VPS13C: variants seen among roughly 807,000 people sequenced by gnomAD.
VPS13C encodes vacuolar protein sorting 13 homolog C, also known as intermembrane lipid transfer protein VPS13C.
In VPS13C, 358 loss-of-function variants were observed where a neutral mutation model predicts 456.8. That is an observed-to-expected ratio of 0.78 (90% CI 0.72 to 0.86). The LOEUF (loss-of-function observed/expected upper bound fraction) is 0.86, where lower values mean the gene tolerates loss of function less well. Ranked by LOEUF, VPS13C falls within the 40% of genes least tolerant of loss-of-function variation. The pLI is 0.00. For missense variants in VPS13C, 4,818 were observed against 4,385.4 expected (o/e 1.10, Z -2.79); for synonymous variants, 1,578 against 1,486.7 (o/e 1.06, Z -1.41).
chr15:61,916,074 C>A (rs2043463395), intron 60 of VPS13C, 52 bp from the exon 61 acceptor site: 1 of 1,501,762 alleles, frequency 6.7e-7, no homozygotes, highest in Non-Finnish European at 8.8e-7. Context: ...TCTGAAATAA[C>A]AAAATTCTTA....
At chr15:62,002,045 G>T (rs1050079482) in intron 15 of VPS13C, among the ~76,000 whole-genome samples, 1 of 152,128 alleles carries the variant, frequency 6.6e-6, no homozygotes, top group Non-Finnish European at 1.5e-5. Flanking sequence ...GTAATGAGAT[G>T]GCTGGGTCAA....
At chr15:61,933,314 A>T (rs142577316) in intron 49 of VPS13C, among the ~76,000 whole-genome samples, 1 of 152,352 alleles carries the variant, frequency 6.6e-6, no homozygotes, top group African/African-American at 2.4e-5. Flanking sequence ...AGCATTAAAC[A>T]TTAGAAAATA....
chr15:62,020,677 A>C (rs1052529915), intron 8 of VPS13C, 139 bp from the exon 9 acceptor site: 1 of 670,592 alleles, frequency 1.5e-6, no homozygotes, highest in Non-Finnish European at 2.4e-6. Flanking sequence ...ACACAGGGGA[A>C]GGAGGTAATA....
Position 61,945,176 on chromosome 15 carries a change from C to A in VPS13C, c.5148+539G>T. Among the ~76,000 whole-genome samples the A allele has an allele frequency of 2.0e-5, 3 of 152,334 alleles. No individual in the cohort carries two copies. The South Asian group carries it at 6.2e-4, about 32-fold the overall frequency. ...GTTTCCTGAGGCCTCCGCAGCTATG[C>A]GGAATGGTGAGTGCATTAAACCTCT... On this transcript the variant is annotated intron_variant, in intron 45 of 84. Transcript: ENST00000644861.
rs1428334669 is a variant in VPS13C, at chr15:61,967,486, A to C, written c.2912-39T>G. On this transcript the variant is annotated intron_variant, in intron 28 of 84. Transcript: ENST00000644861. Reference sequence around the variant, plus strand: ...AAAGGAAAAAAAAGTGTTTCAAATAAATTGCTCTTTTGTAATTTGAAACAT... The same window carrying C: ...AAAGGAAAAAAAAGTGTTTCAAATACATTGCTCTTTTGTAATTTGAAACAT... The C allele has an allele frequency of 2.7e-6, 4 of 1,473,098 alleles. No homozygotes were observed. The African/African-American group carries it at 5.8e-5, about 21-fold the overall frequency. 91.3% of individuals were successfully genotyped at this position (1,473,098 alleles called of 1,614,324 possible).
In VPS13C at chr15:61,984,032, A is replaced by G. The variant is rs1338287258; in HGVS notation, c.1722-20T>C. On this transcript the variant is annotated intron_variant, in intron 19 of 84. Transcript: ENST00000644861. ...TCTACCCTATAATCCAATGAAGAAC[A>G]AGGAAAGATGCAGACAAGGTCTTTT... is the stretch of plus-strand genomic sequence containing the variant. The G allele has an allele frequency of 6.3e-7, 1 of 1,599,458 alleles. No individual in the cohort carries two copies. The highest frequency in any genetic ancestry group is 8.5e-7 in the Non-Finnish European group (1 of 1,172,916).
chr15:62,050,694 C>A (rs1163364234), intron 1 of VPS13C, among the ~76,000 whole-genome samples: 1 of 151,066 alleles, frequency 6.6e-6, no homozygotes, highest in East Asian at 2.0e-4. Flanking sequence ...CTCAGATACT[C>A]AGGATTCTGA....
intron 66 of VPS13C, chr15:61,906,976 T>G: frequency 3.1e-6 from 1 of 321,046 alleles, no homozygotes; most frequent in South Asian, 3.3e-5. Flanking sequence ...TAACTTAGTC[T>G]TACAATTCCT....
At position 61,942,016 on chromosome 15, in the gene VPS13C, C is replaced by A. The variant is rs1458648649; in HGVS notation, c.5200G>T (p.Val1734Phe). 5.0e-6 allele frequency: 8 copies of A among 1,613,340 alleles called. No homozygotes were observed. The highest frequency in any genetic ancestry group is 5.1e-6 in the Non-Finnish European group (6 of 1,179,600). The change falls in exon 46 of 85, where the codon GTC becomes TTC. Residue 1734 changes from valine to phenylalanine, a missense_variant. Around this residue, in one of 3 missense-constraint regions of VPS13C, gnomAD observed 4,552 missense variants for 4,130.6 expected, o/e 1.10. Transcript: ENST00000644861. Reference protein sequence around the residue: ...TAKEALSTATVQAAERAASSM... With the variant: ...TAKEALSTATFQAAERAASSM... ...GAAGCAGCTCTTTCTGCAGCCTGGA[C>A]TGTGGCTGTACTCAAAGCTTCTTTA...
chr15:61,958,475 CTTGT>C (rs2045083174), intron 37 of VPS13C, 129 bp downstream of exon 37: 1 of 571,462 alleles, frequency 1.7e-6, no homozygotes, highest in South Asian at 2.3e-5. Context: ...TCAATAGCAT[CTTGT>C]TTGTTTACTC....
At chr15:61,890,100 A>C in intron 67 of VPS13C, 65 bp downstream of exon 67, 1 of 1,471,632 alleles carries the variant, frequency 6.8e-7, no homozygotes, top group South Asian at 1.2e-5. Context: ...ACTTTCTTCA[A>C]ATCGGCTATT....
intron 66 of VPS13C, among the ~76,000 whole-genome samples, chr15:61,906,243 G>T (rs146584692): frequency 6.6e-6 from 1 of 152,120 alleles, no homozygotes; most frequent in Non-Finnish European, 1.5e-5. Context: ...GGACATAAAC[G>T]ATTTCCTTGC....
chr15:62,021,913 T>A (rs1261946244), intron 8 of VPS13C, among the ~76,000 whole-genome samples: 2 of 151,956 alleles, frequency 1.3e-5, no homozygotes, highest in African/African-American at 2.4e-5. Context: ...CCAGTGAGCA[T>A]CTTTATGATA....
At chr15:61,978,861 T>A (rs1468060734) in intron 22 of VPS13C, 112 bp from the exon 23 acceptor site, 1 of 934,812 alleles carries the variant, frequency 1.1e-6, no homozygotes, top group Non-Finnish European at 1.5e-6. Context: ...CCTAACAAAT[T>A]GAAAATACTG....
At chr15:61,860,410 G>C (rs979348516) in intron 82 of VPS13C, among the ~76,000 whole-genome samples, 67 of 152,146 alleles carry the variant, frequency 4.4e-4, no homozygotes, top group African/African-American at 1.6e-3. Flanking sequence ...CAACCTTTCT[G>C]AAAAATGACT....
intron 73 of VPS13C, among the ~76,000 whole-genome samples, chr15:61,880,204 A>G (rs1284126551): frequency 1.3e-5 from 2 of 152,096 alleles, no homozygotes; most frequent in South Asian, 2.1e-4. Flanking sequence ...GGAAGGGGGG[A>G]AAAACACCAC....
chr15:61,855,901 T>A (rs1467365026), intron 83 of VPS13C, among the ~76,000 whole-genome samples: 4 of 152,156 alleles, frequency 2.6e-5, no homozygotes, highest in Non-Finnish European at 5.9e-5. Context: ...AGAAAAGACA[T>A]TTTATCAAAT....
At chr15:61,877,181 C>T in intron 74 of VPS13C, 127 bp from the exon 75 acceptor site, 1 of 590,488 alleles carries the variant, frequency 1.7e-6, no homozygotes, top group South Asian at 3.0e-5. Flanking sequence ...GTACATTTAC[C>T]ACATACAATT....
At chr15:62,026,937 C>T (rs144922946) in intron 6 of VPS13C, among the ~76,000 whole-genome samples, 6 of 152,030 alleles carry the variant, frequency 3.9e-5, no homozygotes, top group African/African-American at 1.4e-4. Flanking sequence ...GCTAAGGCAG[C>T]TAGCAATTTT....
Sources: gnomAD v4.1 joint callset for allele counts (sites outside exome capture counted in the v4.1 genomes callset) on GRCh38, gnomAD v4.1.1 for gene constraint, gnomAD v4.1.1 regional missense constraint, MANE v1.5 for transcripts, NCBI Gene and HGNC (gene_info 2026-07-23, HGNC 2026-07-21) for gene names.